STX8: variants seen among roughly 807,000 people sequenced by gnomAD.
The protein encoded by STX8 is syntaxin 8, also known as syntaxin-8.
STX8 carries 23 observed loss-of-function variants against 37.5 expected under a neutral mutation model. The ratio of observed to expected loss-of-function variants is 0.61; its 90% CI spans 0.44 to 0.87. The LOEUF is 0.87. Ranked by LOEUF, STX8 falls within the 40% of genes least tolerant of loss-of-function variation. The probability of loss-of-function intolerance (pLI) is 0.00; values close to 1 mark genes in which losing one functional copy is unlikely to be tolerated. For synonymous variants in STX8, 115 were observed against 99.1 expected (o/e 1.16, Z -0.95); for missense variants, 313 against 284.7 (o/e 1.10, Z -0.71).
At chr17:9,265,822 G>C (rs376621003) in intron 7 of STX8, among the ~76,000 whole-genome samples, 9 of 152,306 alleles carry the variant, frequency 5.9e-5, no homozygotes, top group African/African-American at 2.2e-4. Flanking sequence ...GGGCGCTGGA[G>C]GGGGGCTTCA....
intron 5 of STX8, among the ~76,000 whole-genome samples, chr17:9,498,655 C>A (rs1229168186): frequency 1.3e-5 from 2 of 152,132 alleles, no homozygotes; most frequent in Non-Finnish European, 2.9e-5. Context: ...CCACCTTCTA[C>A]AGCCCCATTT....
At chr17:9,442,340 G>A (rs1904693675) in intron 6 of STX8, among the ~76,000 whole-genome samples, 1 of 152,078 alleles carries the variant, frequency 6.6e-6, no homozygotes, top group Admixed American at 6.6e-5. Context: ...CCTCCTGACT[G>A]GTTTCCCTGT....
In STX8 at chr17:9,575,803, T is replaced by C. The variant is rs115799119; in HGVS notation, c.6A>G (p.Ala2=). 1.6e-3 allele frequency: 2,516 copies of C among 1,541,636 alleles called. 48 individuals carry two copies. The African/African-American group carries it at 0.031, about 19-fold the overall frequency. Residue 2 remains alanine, a synonymous_variant, in exon 1 of 8, where the codon GCA becomes GCG. Coordinates refer to ENST00000306357, the MANE Select transcript of STX8 (RefSeq NM_004853.3). M[A]PDPWFSTYDS... is the part of the protein sequence containing the mutation. The stretch of plus-strand genomic sequence containing the variant: ...CACCCGGGACTCACCAGGGGTCCGG[T>C]GCCATCCTGCAGACTCCGCCCGCCG...
chr17:9,517,788 T>TAAAAA (rs11318149), intron 4 of STX8, among the ~76,000 whole-genome samples: 177 of 98,720 alleles, frequency 1.8e-3, no homozygotes, highest in South Asian at 4.8e-3. Context: ...ACCCCTATTG[T>TAAAAA]AAAAAAAAAA....
chr17:9,554,284 A>AC (rs1263571740), intron 3 of STX8: 3 of 152,458 alleles, frequency 2.0e-5, no homozygotes, highest in Non-Finnish European at 2.9e-5. Context: ...ACAAAAACAA[A>AC]AAACAAACAA....
At chr17:9,400,257 C>T (rs1356455123) in intron 6 of STX8, among the ~76,000 whole-genome samples, 1 of 151,902 alleles carries the variant, frequency 6.6e-6, no homozygotes, top group African/African-American at 2.4e-5. Flanking sequence ...CGCCCGCCAC[C>T]ACGCTCAGCT....
intron 7 of STX8, among the ~76,000 whole-genome samples, chr17:9,316,283 A>G (rs1909379087): frequency 6.6e-6 from 1 of 152,052 alleles, no homozygotes; most frequent in Non-Finnish European, 1.5e-5. Flanking sequence ...CTCTAAAGTG[A>G]TAAGTGTCTT....
At chr17:9,396,424 C>A (rs1359392793) in intron 6 of STX8, among the ~76,000 whole-genome samples, 1 of 152,074 alleles carries the variant, frequency 6.6e-6, no homozygotes, top group Non-Finnish European at 1.5e-5. Context: ...TGGCTCACGC[C>A]TGTAATCCCG....
At chr17:9,459,672 C>T (rs548251277) in intron 6 of STX8, among the ~76,000 whole-genome samples, 13 of 152,264 alleles carry the variant, frequency 8.5e-5, no homozygotes, top group South Asian at 2.1e-4. Context: ...CCCACCACGA[C>T]GTCCAGCTAA....
intron 4 of STX8, among the ~76,000 whole-genome samples, chr17:9,524,226 G>A (rs941282705): frequency 7.9e-5 from 12 of 152,260 alleles, no homozygotes; most frequent in African/African-American, 1.9e-4. Flanking sequence ...ACCCACTTGC[G>A]GTATCAATTT....
At chr17:9,441,108 T>A (rs1013718591) in intron 6 of STX8, among the ~76,000 whole-genome samples, 2 of 152,094 alleles carry the variant, frequency 1.3e-5, no homozygotes, top group Non-Finnish European at 2.9e-5. Flanking sequence ...TGTACTCAAA[T>A]AATTACTAAT....
chr17:9,417,117 C>T (rs1913228914), intron 6 of STX8, among the ~76,000 whole-genome samples: 1 of 152,166 alleles, frequency 6.6e-6, no homozygotes, highest in African/African-American at 2.4e-5. Context: ...ACCAAACTAT[C>T]CTTGAAAAAC....
chr17:9,570,522 C>A (rs1597751232), intron 1 of STX8, among the ~76,000 whole-genome samples: 3 of 151,836 alleles, frequency 2.0e-5, no homozygotes, highest in African/African-American at 7.3e-5. Flanking sequence ...GTATATGTCA[C>A]ATGTATATCA....
intron 7 of STX8, among the ~76,000 whole-genome samples, chr17:9,345,181 G>C (rs1057082213): frequency 6.7e-6 from 1 of 150,246 alleles, no homozygotes; most frequent in Middle Eastern, 3.2e-3. Context: ...ATGGAGTTTT[G>C]CTCTTGTCAC....
chr17:9,442,011 T>C (rs1904680044), intron 6 of STX8, among the ~76,000 whole-genome samples: 1 of 152,056 alleles, frequency 6.6e-6, no homozygotes, highest in Non-Finnish European at 1.5e-5. Flanking sequence ...AGATCTAAAA[T>C]TCCAGTTTAT....
intron 6 of STX8, among the ~76,000 whole-genome samples, chr17:9,449,693 C>T (rs1904974446): frequency 6.6e-6 from 1 of 152,066 alleles, no homozygotes; most frequent in South Asian, 2.1e-4. Context: ...TTAGTGAAAG[C>T]AGCCAGATAC....
chr17:9,334,227 G>A lies in STX8; in HGVS notation c.643+44325C>T, dbSNP rs1910068771. ...TGCCGGTTGATCCATCAAGGGTAGA[G>A]TCTGGAAACCATCTCAAGTCCTGAC... On this transcript the variant is annotated intron_variant, in intron 7 of 7. Coordinates refer to ENST00000306357, the MANE Select transcript of STX8 (RefSeq NM_004853.3). 1.3e-5 allele frequency among the ~76,000 whole-genome samples: 2 copies of A among 152,118 alleles called. 1 individual carries two copies. The highest frequency in any genetic ancestry group is 2.9e-5 in the Non-Finnish European group (2 of 68,030).
chr17:9,312,184 A>G (rs1567779324), intron 7 of STX8, among the ~76,000 whole-genome samples: 1 of 148,266 alleles, frequency 6.7e-6, no homozygotes, highest in Non-Finnish European at 1.5e-5. Flanking sequence ...AACCTATATA[A>G]GCATGAGACT....
At chr17:9,415,313 C>T (rs561488190) in intron 6 of STX8, among the ~76,000 whole-genome samples, 5 of 152,240 alleles carry the variant, frequency 3.3e-5, no homozygotes, top group African/African-American at 9.6e-5. Context: ...AGATCCTTCA[C>T]TTGATGTTGA....
Sources: allele counts gnomAD v4.1 joint callset (sites outside exome capture counted in the v4.1 genomes callset), GRCh38; gene constraint gnomAD v4.1.1; transcripts MANE v1.5; gene names NCBI Gene and HGNC (gene_info 2026-07-23, HGNC 2026-07-21).